The following APLF variants were observed in gnomAD, a reference collection of about 807,000 sequenced individuals.
APLF encodes aprataxin and PNK-like factor.
APLF carries 61 observed loss-of-function variants against 55.6 expected under a neutral mutation model. The ratio of observed to expected loss-of-function variants is 1.10; its 90% CI spans 0.89 to 1.36. APLF has a LOEUF of 1.36. APLF is among the 40% of genes most tolerant of loss of function. APLF has a pLI of 0.00. For missense variants in APLF, 611 were observed against 602.5 expected, an observed-to-expected ratio of 1.01 and a Z score of -0.15; for synonymous variants, 207 against 214.8, an observed-to-expected ratio of 0.96 and a Z score of 0.32.
In APLF at chr2:68,551,241, C is replaced by T. The variant is rs149690917; in HGVS notation, c.1286+5929C>T. Among the ~76,000 whole-genome samples, 343 of 152,146 alleles carry T rather than the reference C, an allele frequency of 2.3e-3. 2 individuals carry two copies. The highest frequency in any genetic ancestry group is 7.7e-3 in the African/African-American group (321 of 41,544). ...TATTATTGCCATTATATTTTTAAAT[C>T]AATGTGCCTCTTCTTTCACCACTCT... is the stretch of plus-strand genomic sequence containing the variant. On this transcript the variant is annotated intron_variant, in intron 8 of 9. Coordinates refer to ENST00000303795, the MANE Select transcript of APLF (RefSeq NM_173545.3).
At chr2:68,521,506 T>A (rs1356076658) in intron 5 of APLF, among the ~76,000 whole-genome samples, 1 of 151,842 alleles carries the variant, frequency 6.6e-6, no homozygotes, top group Non-Finnish European at 1.5e-5. Context: ...CTGGGCTAAA[T>A]TTTTTTAAAT....
rs748843022 is a variant in APLF, at chr2:68,538,164, T to G, written c.1097T>G (p.Leu366Arg). The part of the protein sequence containing the change: ...TLHAKATDSV[L>R]QGSEGNKVKR... ...CATGCAAAGGCAACTGATTCAGTTC[T>G]ACAAGGTTCTGAAGGAAACAAGGTC... The change falls in exon 7 of 10, where the codon CTA becomes CGA. Residue 366 changes from leucine to arginine, a missense_variant. Transcript: ENST00000303795. 2.5e-6 allele frequency: 4 copies of G among 1,614,034 alleles called. No homozygotes were observed. Among genetic ancestry groups the G allele is most frequent in the Non-Finnish European group, 2.5e-6 (3 of 1,179,982 alleles).
At chr2:68,519,404 A>G (rs1166871265) in intron 5 of APLF, among the ~76,000 whole-genome samples, 2 of 149,308 alleles carry the variant, frequency 1.3e-5, no homozygotes, top group Non-Finnish European at 3.0e-5. Context: ...GAAATGAAAT[A>G]CATGTTGAAC....
intron 8 of APLF, among the ~76,000 whole-genome samples, chr2:68,551,422 C>G (rs991368109): frequency 6.6e-6 from 1 of 152,008 alleles, no homozygotes; most frequent in African/African-American, 2.4e-5. Context: ...ATTATCTCAT[C>G]AGATATTGTG....
intron 3 of APLF, among the ~76,000 whole-genome samples, chr2:68,509,681 C>G (rs1676985485): frequency 1.3e-5 from 2 of 152,032 alleles, no homozygotes; most frequent in Admixed American, 6.6e-5. Context: ...GGATCTAGAA[C>G]TAGAAATACC....
intron 1 of APLF, among the ~76,000 whole-genome samples, chr2:68,478,565 A>G (rs1675853135): frequency 6.6e-6 from 1 of 152,216 alleles, no homozygotes; most frequent in Non-Finnish European, 1.5e-5. Context: ...TTTTAAAAAG[A>G]TGTTTGGCTT....
intron 8 of APLF, 116 bp from the exon 9 acceptor site, chr2:68,567,225 A>G (rs1405839753): frequency 1.3e-6 from 1 of 758,264 alleles, no homozygotes; most frequent in African/African-American, 1.9e-5. Flanking sequence ...TTTTCATAAG[A>G]GGCCTATTGG....
intron 8 of APLF, among the ~76,000 whole-genome samples, chr2:68,548,732 T>C (rs1018116334): frequency 4.6e-5 from 7 of 152,006 alleles, no homozygotes; most frequent in African/African-American, 7.2e-5. Flanking sequence ...TGTGGTGATA[T>C]GCCTTTTCAT....
chr2:68,502,557 G>A (rs893870940), intron 2 of APLF, among the ~76,000 whole-genome samples, 174 bp from the exon 3 acceptor site: 2 of 151,508 alleles, frequency 1.3e-5, no homozygotes, highest in Non-Finnish European at 2.9e-5. Context: ...AATAATTATG[G>A]TACTTATAAG....
chr2:68,484,505 A>G lies in APLF; in HGVS notation c.97-5685A>G, dbSNP rs1209692476. Among the ~76,000 whole-genome samples the G allele has an allele frequency of 2.0e-5, 3 of 151,974 alleles. No individual in the cohort carries two copies. In the East Asian group the frequency reaches 5.8e-4, roughly 29 times the overall value. On this transcript the variant is annotated intron_variant, in intron 1 of 9. Transcript: ENST00000303795. ...GGAATTCGAGACCAGCCTGACCAAC[A>G]TGTTGAAACCCTGTCTCTACTACAT...
At chr2:68,493,959 T>G (rs1014750489) in intron 2 of APLF, among the ~76,000 whole-genome samples, 3 of 151,650 alleles carry the variant, frequency 2.0e-5, no homozygotes, top group Non-Finnish European at 4.4e-5. Flanking sequence ...ATACAAGAAA[T>G]TATCCAGGCG....
intron 2 of APLF, among the ~76,000 whole-genome samples, chr2:68,494,153 G>A (rs1286806977): frequency 6.6e-6 from 1 of 151,190 alleles, no homozygotes; most frequent in African/African-American, 2.4e-5. Context: ...GTGGGTGTCT[G>A]TAATCTCAGT....
intron 2 of APLF, among the ~76,000 whole-genome samples, chr2:68,502,465 A>G (rs1251604360): frequency 2.0e-5 from 3 of 152,064 alleles, no homozygotes; most frequent in Non-Finnish European, 4.4e-5. Context: ...TTAACCAGTT[A>G]GTTGATAACT....
rs144436545 is a variant in APLF, at chr2:68,569,839, G to A, written c.1333+2452G>A. Among the ~76,000 whole-genome samples, 364 of 152,148 alleles carry A rather than the reference G, an allele frequency of 2.4e-3. 2 individuals carry two copies. The highest frequency in any genetic ancestry group is 8.3e-3 in the African/African-American group (343 of 41,508). ...AGGTAAATGAAGTCAGGATGACTCA[G>A]GATTATAGTACACATTATCAGGAGA... On this transcript the variant is annotated intron_variant, in intron 9 of 9. Coordinates refer to ENST00000303795, the MANE Select transcript of APLF (RefSeq NM_173545.3).
intron 1 of APLF, among the ~76,000 whole-genome samples, chr2:68,481,290 C>T (rs1236898413): frequency 1.3e-5 from 2 of 152,012 alleles, no homozygotes; most frequent in African/African-American, 4.8e-5. Flanking sequence ...GACGGAATTC[C>T]CTTAGTTTTT....
intron 1 of APLF, among the ~76,000 whole-genome samples, chr2:68,472,230 G>T (rs756787919): frequency 6.6e-6 from 1 of 152,138 alleles, no homozygotes; most frequent in Non-Finnish European, 1.5e-5. Flanking sequence ...GCTCTTAATT[G>T]ATTATCTCCT....
At chr2:68,536,497 T>C (rs935817477) in intron 6 of APLF, among the ~76,000 whole-genome samples, 4 of 152,212 alleles carry the variant, frequency 2.6e-5, no homozygotes, top group Admixed American at 2.6e-4. Flanking sequence ...TATGTTGTTA[T>C]CACATCCTAG....
intron 3 of APLF, among the ~76,000 whole-genome samples, chr2:68,512,464 A>G (rs1005727701): frequency 1.7e-4 from 26 of 151,818 alleles, no homozygotes; most frequent in African/African-American, 4.8e-4. Flanking sequence ...CTATGCATAC[A>G]TAAGTATTAA....
At chr2:68,517,419 C>A (rs867626085) in intron 5 of APLF, among the ~76,000 whole-genome samples, 2 of 127,402 alleles carry the variant, frequency 1.6e-5, no homozygotes, top group Non-Finnish European at 3.1e-5. Flanking sequence ...CTATATATTA[C>A]TATATATTAA....
Sources: gnomAD v4.1 joint callset for allele counts (sites outside exome capture counted in the v4.1 genomes callset) on GRCh38, gnomAD v4.1.1 for gene constraint, MANE v1.5 for transcripts, NCBI Gene and HGNC (gene_info 2026-07-23, HGNC 2026-07-21) for gene names.